AP3B1: variants seen among roughly 807,000 people sequenced by gnomAD.
AP3B1 encodes the protein adaptor related protein complex 3 subunit beta 1.
AP3B1 carries 61 observed loss-of-function variants against 132.5 expected under a neutral mutation model. The observed-to-expected ratio is 0.46, with a 90% CI of 0.37 to 0.57. AP3B1 has a LOEUF of 0.57. Among genes scored for constraint, AP3B1 ranks in the 20% least tolerant of loss-of-function variants. The pLI, the probability that AP3B1 is intolerant of heterozygous loss-of-function variation, is 0.00. For synonymous variants in AP3B1, 388 were observed against 438.3 expected, an observed-to-expected ratio of 0.89 and a Z score of 1.43; for missense variants, 1,120 against 1,289.4, an observed-to-expected ratio of 0.87 and a Z score of 2.01.
At chr5:78,015,367 T>G in intron 26 of AP3B1, 43 bp downstream of exon 26, 1 of 1,599,460 alleles carries the variant, frequency 6.3e-7, no homozygotes, top group Non-Finnish European at 8.6e-7. Flanking sequence ...TTTATACATA[T>G]TCAAGTCATC....
intron 8 of AP3B1, among the ~76,000 whole-genome samples, chr5:78,179,491 T>C (rs1009077704): frequency 6.6e-6 from 1 of 152,210 alleles, no homozygotes; most frequent in Admixed American, 6.5e-5. Flanking sequence ...TATAGGCTAA[T>C]TTGTAAACGC....
At chr5:78,247,333 G>A (rs913254619) in intron 2 of AP3B1, among the ~76,000 whole-genome samples, 5 of 149,504 alleles carry the variant, frequency 3.3e-5, no homozygotes, top group South Asian at 2.1e-4. Context: ...TGTATATTTC[G>A]CTACTGTTGA....
intron 17 of AP3B1, among the ~76,000 whole-genome samples, chr5:78,120,576 A>C (rs575785205): frequency 3.1e-3 from 467 of 152,256 alleles, no homozygotes; most frequent in African/African-American, 0.011. Flanking sequence ...TAAACCAACA[A>C]AGATCAAAAG....
intron 15 of AP3B1, among the ~76,000 whole-genome samples, chr5:78,138,415 C>T (rs1339652763): frequency 5.9e-5 from 9 of 151,912 alleles, no homozygotes; most frequent in South Asian, 2.1e-4. Context: ...TGCAGTGAGT[C>T]GAGATCACGC....
chr5:78,113,667 A>AT, intron 19 of AP3B1, 85 bp downstream of exon 19: 1 of 1,491,266 alleles, frequency 6.7e-7, no homozygotes, highest in Non-Finnish European at 9.2e-7. Context: ...TTCTCTCACC[A>AT]TTTTTTGATT....
intron 14 of AP3B1, among the ~76,000 whole-genome samples, chr5:78,146,400 G>A (rs1410453557): frequency 2.0e-5 from 3 of 152,180 alleles, no homozygotes; most frequent in Admixed American, 1.3e-4. Flanking sequence ...TACGTTAGAT[G>A]AGCAGTAACA....
chr5:78,148,965 G>C (rs890262702), intron 14 of AP3B1, among the ~76,000 whole-genome samples: 12 of 152,100 alleles, frequency 7.9e-5, no homozygotes, highest in African/African-American at 1.9e-4. Context: ...TGGTGGATAG[G>C]AATGCTAGAT....
At chr5:78,129,581 AT>A (rs1752606877) in intron 15 of AP3B1, among the ~76,000 whole-genome samples, 1 of 152,278 alleles carries the variant, frequency 6.6e-6, no homozygotes, top group Non-Finnish European at 1.5e-5. Flanking sequence ...CATTAAAAAA[AT>A]AATCATATAT....
At chr5:78,080,613 T>A (rs1283745548) in intron 22 of AP3B1, among the ~76,000 whole-genome samples, 2 of 144,988 alleles carry the variant, frequency 1.4e-5, no homozygotes, top group Non-Finnish European at 3.0e-5. Flanking sequence ...ACCCACTGGG[T>A]ATGCCTCCAA....
At chr5:78,078,344 A>G (rs1749846452) in intron 22 of AP3B1, among the ~76,000 whole-genome samples, 1 of 152,172 alleles carries the variant, frequency 6.6e-6, no homozygotes, top group Admixed American at 6.5e-5. Flanking sequence ...TATCCAATTA[A>G]TCTTTCACAC....
intron 24 of AP3B1, 34 bp downstream of exon 24, chr5:78,034,327 G>A: frequency 2.0e-6 from 3 of 1,506,606 alleles, no homozygotes; most frequent in Middle Eastern, 3.5e-4. Context: ...TCCTTTACAG[G>A]TTATATAAAA....
At chr5:78,110,056 TA>T (rs1751507841) in intron 20 of AP3B1, 150 bp downstream of exon 20, 3 of 682,342 alleles carry the variant, frequency 4.4e-6, no homozygotes, top group Non-Finnish European at 4.7e-6. Flanking sequence ...TGAGATTTTT[TA>T]AAGTTTCTAG....
intron 2 of AP3B1, among the ~76,000 whole-genome samples, chr5:78,248,865 T>A (rs1747497192): frequency 6.6e-6 from 1 of 152,240 alleles, no homozygotes; most frequent in South Asian, 2.1e-4. Flanking sequence ...AACATATTGT[T>A]CCACTCTCTT....
chr5:78,092,401 T>C (rs1350883361), intron 21 of AP3B1, among the ~76,000 whole-genome samples: 1 of 152,202 alleles, frequency 6.6e-6, no homozygotes. Flanking sequence ...ATTGAAAGCT[T>C]ACCCTAAAGT....
intron 7 of AP3B1, among the ~76,000 whole-genome samples, chr5:78,205,551 T>C (rs899065878): frequency 6.6e-6 from 1 of 152,050 alleles, no homozygotes; most frequent in African/African-American, 2.4e-5. Flanking sequence ...AGCAATTATT[T>C]GTAATAGGGA....
intron 26 of AP3B1, among the ~76,000 whole-genome samples, chr5:78,004,420 T>TAA (rs1469333773): frequency 6.6e-6 from 1 of 152,202 alleles, no homozygotes; most frequent in African/African-American, 2.4e-5. Flanking sequence ...CCGACTTAAT[T>TAA]AAAATATTAG....
At chr5:78,200,767 A>G (rs1486168393) in intron 7 of AP3B1, among the ~76,000 whole-genome samples, 1 of 152,196 alleles carries the variant, frequency 6.6e-6, no homozygotes, top group Non-Finnish European at 1.5e-5. Flanking sequence ...CATTAACGTT[A>G]CCAAATGTTG....
intron 24 of AP3B1, among the ~76,000 whole-genome samples, chr5:78,024,075 A>T (rs189152334): frequency 4.6e-5 from 7 of 152,254 alleles, no homozygotes; most frequent in Non-Finnish European, 1.0e-4. Context: ...CTTCTTTGGA[A>T]ACAGCCGAAA....
chr5:78,134,094 T>C (rs932964636), intron 15 of AP3B1, among the ~76,000 whole-genome samples: 6 of 138,848 alleles, frequency 4.3e-5, no homozygotes, highest in African/African-American at 1.1e-4. Flanking sequence ...GAGCTTGCAG[T>C]GAGCCGAGAT....
Sources: allele counts gnomAD v4.1 joint callset (sites outside exome capture counted in the v4.1 genomes callset), GRCh38; gene constraint gnomAD v4.1.1; transcripts MANE v1.5; gene names NCBI Gene and HGNC (gene_info 2026-07-23, HGNC 2026-07-21).